The following ARFIP1 variants were observed in gnomAD, a reference collection of about 807,000 sequenced individuals.
The protein encoded by ARFIP1 is arfaptin-1.
A neutral mutation model predicts 42.5 loss-of-function variants in ARFIP1; 24 were observed. The observed-to-expected ratio is 0.57, with a 90% CI of 0.41 to 0.80. ARFIP1 has a LOEUF of 0.80. ARFIP1 is among the 30% of genes least tolerant of loss of function. The pLI, the probability that ARFIP1 is intolerant of heterozygous loss-of-function variation, is 0.00. For missense variants in ARFIP1, 354 were observed against 434.0 expected (o/e 0.82, Z 1.64); for synonymous variants, 141 against 153.7 (o/e 0.92, Z 0.61).
chr4:152,900,581 A>C (rs1737745517), intron 8 of ARFIP1, among the ~76,000 whole-genome samples: 1 of 152,120 alleles, frequency 6.6e-6, no homozygotes, highest in Admixed American at 6.5e-5. Context: ...TCTCTTTCTC[A>C]AACAGTAGTT....
intron 1 of ARFIP1, 70 bp from the exon 2 acceptor site, chr4:152,829,555 A>T: frequency 2.1e-6 from 2 of 972,674 alleles, no homozygotes; most frequent in Non-Finnish European, 1.5e-6. Context: ...GCTTGTAAGT[A>T]CTATAAACAT....
At chr4:152,801,317 G>A (rs1728402293) in intron 1 of ARFIP1, among the ~76,000 whole-genome samples, 1 of 152,050 alleles carries the variant, frequency 6.6e-6, no homozygotes, top group African/African-American at 2.4e-5. Flanking sequence ...AAATCCAGGA[G>A]TAAGAATTTT....
intron 3 of ARFIP1, among the ~76,000 whole-genome samples, chr4:152,867,759 A>G (rs989064659): frequency 2.0e-5 from 3 of 152,206 alleles, no homozygotes; most frequent in African/African-American, 4.8e-5. Flanking sequence ...TCCAATTGGA[A>G]TAAGAAAATA....
At chr4:152,896,578 G>C (rs1291153247) in intron 8 of ARFIP1, among the ~76,000 whole-genome samples, 1 of 151,982 alleles carries the variant, frequency 6.6e-6, no homozygotes, top group Non-Finnish European at 1.5e-5. Flanking sequence ...AAAGAAAAAC[G>C]GGAAGGATTA....
chr4:152,828,597 G>A (rs1731022146), intron 1 of ARFIP1, among the ~76,000 whole-genome samples: 1 of 152,150 alleles, frequency 6.6e-6, no homozygotes, highest in Non-Finnish European at 1.5e-5. Flanking sequence ...TGAGTATTAA[G>A]AATTCTTTGT....
intron 2 of ARFIP1, among the ~76,000 whole-genome samples, chr4:152,842,379 G>A (rs888693956): frequency 1.3e-5 from 2 of 150,824 alleles, no homozygotes; most frequent in African/African-American, 4.9e-5. Context: ...TGGATAACCC[G>A]ATGACATTGT....
Position 152,804,336 on chromosome 4 carries a change from TTA to T in ARFIP1, c.-10+24119_-10+24120del, listed in dbSNP as rs369439877. ...TAACATAACATGTATTATATATATT[TTA>T]TATATATAATATAACATGTATTATA... On this transcript the variant is annotated intron_variant, in intron 1 of 8. Coordinates refer to ENST00000353617, the MANE Select transcript of ARFIP1 (RefSeq NM_001025595.3). 3.1e-3 allele frequency among the ~76,000 whole-genome samples: 79 copies of T among 25,400 alleles called. 15 individuals carry two copies. The highest frequency in any genetic ancestry group is 0.011 in the African/African-American group (76 of 6,850). 16.7% of individuals were successfully genotyped at this position (25,400 alleles called of 152,430 possible).
chr4:152,908,040 G>A (rs1738515241), intron 8 of ARFIP1, among the ~76,000 whole-genome samples: 1 of 152,136 alleles, frequency 6.6e-6, no homozygotes, highest in Non-Finnish European at 1.5e-5. Flanking sequence ...TTCTTAATGT[G>A]GAGGGTATAA....
At chr4:152,801,260 T>C (rs960892196) in intron 1 of ARFIP1, among the ~76,000 whole-genome samples, 5 of 151,808 alleles carry the variant, frequency 3.3e-5, no homozygotes, top group African/African-American at 1.2e-4. Context: ...TTCTGAGGAG[T>C]TGATGTTTGA....
chr4:152,865,980 A>C (rs999455022), intron 3 of ARFIP1, among the ~76,000 whole-genome samples: 2 of 152,032 alleles, frequency 1.3e-5, no homozygotes, highest in Non-Finnish European at 2.9e-5. Context: ...ACAAGTGAAC[A>C]AAGGTCTCTG....
intron 2 of ARFIP1, among the ~76,000 whole-genome samples, chr4:152,847,279 T>C (rs781234439): frequency 1.3e-5 from 2 of 151,680 alleles, no homozygotes; most frequent in Non-Finnish European, 2.9e-5. Context: ...ACCACAGTCA[T>C]GTGCCACCAC....
At chr4:152,898,014 C>T (rs1308458958) in intron 8 of ARFIP1, among the ~76,000 whole-genome samples, 4 of 131,252 alleles carry the variant, frequency 3.0e-5, no homozygotes, top group Admixed American at 9.1e-5. Flanking sequence ...AGACGAGTCT[C>T]GCTCTGTCGC....
At chr4:152,854,372 TTG>T (rs1469215704) in intron 2 of ARFIP1, among the ~76,000 whole-genome samples, 2 of 152,236 alleles carry the variant, frequency 1.3e-5, no homozygotes, top group Non-Finnish European at 2.9e-5. Context: ...ATATCCTGAA[TTG>T]TTTTTCTGAT....
chr4:152,806,821 G>A (rs1030429323), intron 1 of ARFIP1, among the ~76,000 whole-genome samples: 29 of 149,750 alleles, frequency 1.9e-4, no homozygotes, highest in Non-Finnish European at 4.0e-4. Flanking sequence ...TTAGCTCAAC[G>A]TAAGTTTTTT....
chr4:152,898,499 C>G (rs1737549242), intron 8 of ARFIP1, among the ~76,000 whole-genome samples: 1 of 151,902 alleles, frequency 6.6e-6, no homozygotes, highest in South Asian at 2.1e-4. Flanking sequence ...AAAAATTCAC[C>G]TTAAGTTTTT....
chr4:152,901,624 C>T (rs186323753), intron 8 of ARFIP1, among the ~76,000 whole-genome samples: 8 of 152,218 alleles, frequency 5.3e-5, no homozygotes, highest in African/African-American at 9.6e-5. Context: ...TCAAATTTGC[C>T]GCCATTCCAT....
chr4:152,856,411 T>C (rs1733439405), intron 2 of ARFIP1, among the ~76,000 whole-genome samples: 1 of 152,110 alleles, frequency 6.6e-6, no homozygotes, highest in South Asian at 2.1e-4. Flanking sequence ...CTGAAAATGT[T>C]TGGGGAAAAT....
intron 3 of ARFIP1, among the ~76,000 whole-genome samples, 165 bp from the exon 4 acceptor site, chr4:152,870,588 A>G (rs1026931588): frequency 6.6e-6 from 1 of 152,254 alleles, no homozygotes; most frequent in Non-Finnish European, 1.5e-5. Context: ...CTGGTAGCAT[A>G]CATTTATTAT....
At chr4:152,831,124 A>T (rs1013909950) in intron 2 of ARFIP1, among the ~76,000 whole-genome samples, 2 of 152,248 alleles carry the variant, frequency 1.3e-5, no homozygotes, top group African/African-American at 4.8e-5. Flanking sequence ...TCAAGTTAGC[A>T]TCATTAGACT....
Sources: gnomAD v4.1 joint callset for allele counts (sites outside exome capture counted in the v4.1 genomes callset) on GRCh38, gnomAD v4.1.1 for gene constraint, MANE v1.5 for transcripts, NCBI Gene and HGNC (gene_info 2026-07-23, HGNC 2026-07-21) for gene names.